Variants in TMC3 observed in about 807,000 individuals in gnomAD.
The protein encoded by TMC3 is transmembrane channel like 3, also known as transmembrane channel-like protein 3.
Under a neutral mutation model 110.6 loss-of-function variants are expected in TMC3, and 98 were observed. That is an observed-to-expected ratio of 0.89 (90% CI 0.75 to 1.05). The LOEUF is 1.05. Among genes scored for constraint, TMC3 ranks in the 50% least tolerant of loss-of-function variants. The pLI is 0.00. For synonymous variants in TMC3, 489 were observed against 513.1 expected, an observed-to-expected ratio of 0.95 and a Z score of 0.63; for missense variants, 1,319 against 1,373.2, an observed-to-expected ratio of 0.96 and a Z score of 0.62.
intron 9 of TMC3, among the ~76,000 whole-genome samples, chr15:81,352,377 G>A (rs1376882712): frequency 6.6e-6 from 1 of 152,182 alleles, no homozygotes; most frequent in Non-Finnish European, 1.5e-5. Flanking sequence ...TTATATTGGA[G>A]CTGAAAAATT....
At chr15:81,338,203 G>A (rs981970491) in intron 18 of TMC3, among the ~76,000 whole-genome samples, 2 of 152,136 alleles carry the variant, frequency 1.3e-5, no homozygotes, top group African/African-American at 4.8e-5. Context: ...TGAAAATGGG[G>A]GAGAAATTTT....
chr15:81,369,633 C>T (rs1894391507), intron 2 of TMC3, among the ~76,000 whole-genome samples: 1 of 152,004 alleles, frequency 6.6e-6, no homozygotes, highest in African/African-American at 2.4e-5. Flanking sequence ...TTGCCTAAAA[C>T]AGAGTTTCTG....
chr15:81,350,181 C>T (rs937110198), intron 10 of TMC3, among the ~76,000 whole-genome samples: 1 of 151,864 alleles, frequency 6.6e-6, no homozygotes, highest in Admixed American at 6.6e-5. Context: ...GCTGCTGTGA[C>T]CTGTGATTGG....
At chr15:81,333,513 G>A (rs964450524) in intron 21 of TMC3, among the ~76,000 whole-genome samples, 3 of 152,220 alleles carry the variant, frequency 2.0e-5, no homozygotes, top group Non-Finnish European at 4.4e-5. Context: ...AGCGAGGGGT[G>A]TTATGCTAGT....
intron 8 of TMC3, 53 bp from the exon 9 acceptor site, chr15:81,355,821 A>T (rs1894048274): frequency 8.4e-7 from 1 of 1,187,966 alleles, no homozygotes. Flanking sequence ...ATTAATTATA[A>T]ATCATTAGAA....
rs1353917649 is a variant in TMC3 at position 81,332,814 on chromosome 15, G to A, written c.2908C>T (p.Pro970Ser). The change falls in exon 22 of 22, where the codon CCT (proline) becomes TCT (serine). Residue 970 changes from proline to serine, a missense_variant. Transcript: ENST00000359440. Reference sequence around the variant, plus strand: ...GACCTCTCCCCAATATAAAAATGAGGAGCCCGACGGAGGTCTATCAGGGAG... The same window carrying A: ...GACCTCTCCCCAATATAAAAATGAGAAGCCCGACGGAGGTCTATCAGGGAG... ...PRSLIDLRRA[P>S]HFYIGERSES... 1 of 1,611,964 alleles carries A rather than the reference G, an allele frequency of 6.2e-7. No individual in the cohort carries two copies. The highest frequency in any genetic ancestry group is 2.2e-5 in the East Asian group (1 of 44,838).
Position 81,332,083 on chromosome 15 carries a change from T to C in TMC3, c.*336A>G. 1 of 247,680 alleles carries C rather than the reference T, an allele frequency of 4.0e-6. No individual in the cohort carries two copies. 15.3% of individuals were successfully genotyped at this position (247,680 alleles called of 1,614,324 possible). The stretch of plus-strand genomic sequence containing the variant: ...CTTTTCAGTAAACTTTCATGCCTGC[T>C]CTAAAACTTGCCTCAGTCTCTCCTT... On this transcript the variant is annotated 3_prime_UTR_variant, in exon 22 of 22. Transcript: ENST00000359440.
In TMC3 at chr15:81,349,542, G is replaced by A. The variant is rs76083444; in HGVS notation, c.1109C>T (p.Thr370Ile). The change falls in exon 11 of 22, where the codon ACC becomes ATC. Residue 370 changes from threonine to isoleucine, a missense_variant. By Grantham distance (89) the Thr-to-Ile change is moderately conservative. Coordinates refer to ENST00000359440, the MANE Select transcript of TMC3 (RefSeq NM_001080532.3). ...GTCAAAGGCTGATGGTGCTATCATG[G>A]TGACGAGGGAGACCACCACACTGAC... is the stretch of plus-strand genomic sequence containing the variant. ...NEVSVVVSLV[T>I]MIAPSAFDLI... 2.5e-5 allele frequency: 39 copies of A among 1,551,184 alleles called. No homozygotes were observed. The East Asian group carries it at 9.2e-4, about 37-fold the overall frequency.
intron 12 of TMC3, among the ~76,000 whole-genome samples, chr15:81,345,439 G>C (rs1171746571): frequency 6.6e-6 from 1 of 152,198 alleles, no homozygotes; most frequent in African/African-American, 2.4e-5. Context: ...ATGATTCTCT[G>C]TGGCCTCGTC....
In TMC3 at chr15:81,358,421, T is replaced by A. The variant is rs1252948293; in HGVS notation, c.581A>T (p.Asp194Val). ...KEQVSSAQDLDTVWSLGGYLQ... is the reference protein window; with the variant it reads ...KEQVSSAQDLVTVWSLGGYLQ... ...TCTCACCCCCAGAGACCAGACGGTG[T>A]CCAGGTCTTGGGCAGACGAAACCTG... Residue 194 changes from aspartate (D) to valine (V), a missense_variant, in exon 6 of 22, where the codon GAC becomes GTC. By Grantham distance (152) the Asp-to-Val change is radical. Transcript: ENST00000359440. The A allele has an allele frequency of 3.7e-6, 6 of 1,613,608 alleles. No individual in the cohort carries two copies. The highest frequency in any genetic ancestry group is 5.1e-6 in the Non-Finnish European group (6 of 1,179,742).
rs146483856 is a variant in TMC3 at position 81,348,927 on chromosome 15, C to G, written c.1193+531G>C. The stretch of plus-strand genomic sequence containing the variant: ...AACCTCTGCCAAGCGATTCTCCTGA[C>G]TCAGCCTCCCGAGTAGCTGGGATTA... On this transcript the variant is annotated intron_variant, in intron 11 of 21. Transcript: ENST00000359440. Among the ~76,000 whole-genome samples the G allele has an allele frequency of 4.6e-5, 7 of 152,352 alleles. No individual in the cohort carries two copies. The East Asian group carries it at 1.4e-3, about 29-fold the overall frequency.
In TMC3 at chr15:81,332,131, A is replaced by G. The variant is rs1893475187; in HGVS notation, c.*288T>C. The G allele has an allele frequency of 5.8e-6, 2 of 343,140 alleles. No homozygotes were observed. Among genetic ancestry groups the G allele is most frequent in the Non-Finnish European group, 1.1e-5 (2 of 189,026 alleles). 21.3% of individuals were successfully genotyped at this position (343,140 alleles called of 1,614,324 possible). On this transcript the variant is annotated 3_prime_UTR_variant, in exon 22 of 22. Transcript: ENST00000359440. The stretch of plus-strand genomic sequence containing the variant: ...CTTCTGTCTTGAGCCCCTCTGCCAA[A>G]TTCTTTCTTCCGAGGAGGCAAGTAT...
At chr15:81,341,295 G>A (rs1893708217) in intron 16 of TMC3, 95 bp downstream of exon 16, 2 of 1,343,950 alleles carry the variant, frequency 1.5e-6, no homozygotes, top group South Asian at 1.6e-5. Flanking sequence ...GAGAGTTGGG[G>A]GGACCCTTTG....
Position 81,351,788 on chromosome 15 carries a change from A to C in TMC3, c.989T>G (p.Leu330Arg). The C allele has an allele frequency of 6.2e-7, 1 of 1,610,158 alleles. No homozygotes were observed. ...GTAGATGAGATAAATGCTCCCAGCC[A>C]GTGAGAGAAGCACCAGGATGTTGGC... is the stretch of plus-strand genomic sequence containing the variant. ...IIANILVLLS[L>R]AGSIYLIYFV... The change falls in exon 10 of 22, where the codon CTG becomes CGG. Residue 330 changes from leucine to arginine, a missense_variant. By Grantham distance (102) the Leu-to-Arg change is moderately radical. Coordinates refer to ENST00000359440, the MANE Select transcript of TMC3 (RefSeq NM_001080532.3).
rs1596078746 is a variant in TMC3, at chr15:81,336,727, G to C, written c.2161-76C>G. 3.4e-6 allele frequency: 5 copies of C among 1,463,190 alleles called. No homozygotes were observed. In the East Asian group the frequency reaches 1.1e-4, roughly 33 times the overall value. 90.6% of individuals were successfully genotyped at this position (1,463,190 alleles called of 1,614,324 possible). A position where few individuals can be genotyped will look rare whatever the true frequency, so the allele number is the denominator to read the frequency against. ...AACAAATATTATTCCTGGGGGAAGA[G>C]AAAAAGATTTACATGCCATAGTTCT... is the stretch of plus-strand genomic sequence containing the variant. On this transcript the variant is annotated intron_variant, in intron 19 of 21. Transcript: ENST00000359440.
chr15:81,367,194 A>G (rs1389135702), intron 3 of TMC3, among the ~76,000 whole-genome samples: 3 of 152,190 alleles, frequency 2.0e-5, no homozygotes, highest in African/African-American at 7.2e-5. Flanking sequence ...TTAAATATCC[A>G]CCAGCGGCCA....
chr15:81,336,719 G>A, intron 19 of TMC3, 68 bp from the exon 20 acceptor site: 1 of 1,509,764 alleles, frequency 6.6e-7, no homozygotes, highest in Non-Finnish European at 9.2e-7. Context: ...ATTATTCCTG[G>A]GGGAAGAGAA....
rs1893776431 is a variant in TMC3, at chr15:81,344,194, T to G, written c.1519-149A>C. The G allele has an allele frequency of 1.7e-5, 13 of 765,286 alleles. 1 individual carries two copies. The South Asian group carries it at 2.1e-4, about 12-fold the overall frequency. The allele number at this position is 765,286 out of a possible 1,614,324, so 47.4% of individuals were successfully genotyped here. A position where few individuals can be genotyped will look rare whatever the true frequency, so the allele number is the denominator to read the frequency against. ...ATCTTCATTTCTCATCTTTGTAAGT[T>G]GCAGTGGGCAGAGGACTGGGCTTCT... On this transcript the variant is annotated intron_variant, in intron 13 of 21. Coordinates refer to ENST00000359440, the MANE Select transcript of TMC3 (RefSeq NM_001080532.3).
Position 81,358,172 on chromosome 15 carries a change from G to C in TMC3, c.720C>G (p.Tyr240Ter). 6.2e-7 allele frequency: 1 copy of C among 1,605,348 alleles called. No individual in the cohort carries two copies. The highest frequency in any genetic ancestry group is 1.7e-5 in the Admixed American group (1 of 57,514). ...YFLVGMAVFA[Y>*]SFIILLKKMA... ...ACTTTTTTAAAAGAATGATGAAGCT[G>C]TAAGCAAACACTGCCATCCCCACTA... The change falls in exon 7 of 22, where the codon TAC becomes TAG. Residue 240 changes from tyrosine (Y) to a stop codon, truncating the protein, a stop_gained. Transcript: ENST00000359440. LOFTEE classifies it high-confidence loss of function.
Sources: allele counts gnomAD v4.1 joint callset (sites outside exome capture counted in the v4.1 genomes callset), GRCh38; gene constraint gnomAD v4.1.1; transcripts MANE v1.5; gene names NCBI Gene and HGNC (gene_info 2026-07-23, HGNC 2026-07-21).